Variants in PAG1 observed in about 807,000 individuals in gnomAD.
PAG1 encodes the protein phosphoprotein associated with glycosphingolipid-enriched microdomains 1.
A neutral mutation model predicts 31.7 loss-of-function variants in PAG1; 23 were observed. The ratio of observed to expected loss-of-function variants is 0.73; its 90% CI spans 0.52 to 1.03. The LOEUF (loss-of-function observed/expected upper bound fraction) is 1.03. Among genes scored for constraint, PAG1 ranks in the 50% least tolerant of loss-of-function variants. PAG1 has a pLI of 0.00. For synonymous variants in PAG1, 214 were observed against 210.3 expected, an observed-to-expected ratio of 1.02 and a Z score of -0.15; for missense variants, 473 against 540.7, an observed-to-expected ratio of 0.87 and a Z score of 1.24.
At chr8:81,002,181 A>G (rs1256683661) in intron 3 of PAG1, among the ~76,000 whole-genome samples, 1 of 151,198 alleles carries the variant, frequency 6.6e-6, no homozygotes, top group African/African-American at 2.4e-5. Context: ...CACTGTTTTT[A>G]TTTGGCTTCT....
At position 80,976,678 on chromosome 8, in the gene PAG1, C is replaced by T. The variant is rs141166625; in HGVS notation, c.1165G>A (p.Ala389Thr). The T allele has an allele frequency of 1.3e-5, 21 of 1,614,082 alleles. No homozygotes were observed. Among genetic ancestry groups the T allele is most frequent in the Non-Finnish European group, 1.7e-5 (20 of 1,180,038 alleles). The change falls in exon 9 of 9, where the codon GCG (alanine) becomes ACG (threonine). Residue 389 changes from alanine (A) to threonine (T), a missense_variant. Ala to Thr is a moderately conservative substitution (Grantham distance 58, BLOSUM62 0). Coordinates refer to ENST00000220597, the MANE Select transcript of PAG1 (RefSeq NM_018440.4). ...PSEEPEPDYE[A>T]IQTLNREEEK... ...TCCTCTCTGTTGAGAGTCTGTATCG[C>T]TTCATAATCAGGCTCTGGCTCCTCG... is the stretch of plus-strand genomic sequence containing the variant.
rs1807518069 is a variant in PAG1, at chr8:80,990,513, CAG to C, written c.177+964_177+965del. 6.6e-6 allele frequency among the ~76,000 whole-genome samples: 1 copy of C among 152,184 alleles called. No individual in the cohort carries two copies. The highest frequency in any genetic ancestry group is 6.5e-5 in the Admixed American group (1 of 15,282). ...TCTGTCTTAGCACTGCCACAGGACT[CAG>C]GGCAGATTCTGAACTCTGCCTTGCT... On this transcript the variant is annotated intron_variant, in intron 5 of 8. Transcript: ENST00000220597. The surrounding 1 kb of genome is among the most constrained non-coding windows in gnomAD (Gnocchi z 5.1).
At chr8:81,003,179 C>T (rs141131558) in intron 3 of PAG1, among the ~76,000 whole-genome samples, 25 of 152,278 alleles carry the variant, frequency 1.6e-4, no homozygotes, top group East Asian at 7.7e-4. Flanking sequence ...GTGATCGTGA[C>T]GCACTCTGAA....
intron 3 of PAG1, among the ~76,000 whole-genome samples, chr8:81,017,842 T>C (rs945658675): frequency 9.2e-5 from 14 of 152,162 alleles, no homozygotes; most frequent in Non-Finnish European, 1.9e-4. Context: ...ACATGGGAAT[T>C]TAAACAGCCC....
At chr8:81,036,420 A>G (rs117924204) in intron 2 of PAG1, among the ~76,000 whole-genome samples, 12 of 152,320 alleles carry the variant, frequency 7.9e-5, no homozygotes, top group East Asian at 5.8e-4. Context: ...CTAATGCATG[A>G]TATTTCTCAT....
At chr8:81,025,897 G>T (rs1808268692) in intron 3 of PAG1, among the ~76,000 whole-genome samples, 1 of 152,182 alleles carries the variant, frequency 6.6e-6, no homozygotes, top group African/African-American at 2.4e-5. Flanking sequence ...GTGTACCTCT[G>T]TGGGGGCAGT....
intron 1 of PAG1, among the ~76,000 whole-genome samples, chr8:81,091,993 T>C (rs1434005243): frequency 3.9e-5 from 5 of 127,556 alleles, no homozygotes; most frequent in Non-Finnish European, 8.0e-5. Flanking sequence ...CAGCAAGACC[T>C]TGTCTCAAAA....
intron 2 of PAG1, among the ~76,000 whole-genome samples, chr8:81,048,398 G>A (rs868604777): frequency 5.3e-5 from 8 of 152,168 alleles, no homozygotes; most frequent in Non-Finnish European, 8.8e-5. Flanking sequence ...GGGCAATTTG[G>A]GGAAGCATCT....
chr8:81,050,165 A>T (rs1808704544), intron 2 of PAG1, among the ~76,000 whole-genome samples: 1 of 152,252 alleles, frequency 6.6e-6, no homozygotes, highest in South Asian at 2.1e-4. Flanking sequence ...AACACGTTTC[A>T]TTGCTATTCC....
intron 2 of PAG1, among the ~76,000 whole-genome samples, chr8:81,048,647 T>C (rs962053949): frequency 1.3e-5 from 2 of 152,198 alleles, no homozygotes; most frequent in African/African-American, 2.4e-5. Flanking sequence ...TATCTGACAA[T>C]GATTTTATCT....
intron 2 of PAG1, among the ~76,000 whole-genome samples, chr8:81,055,082 T>C (rs916698748): frequency 6.6e-6 from 1 of 151,202 alleles, no homozygotes; most frequent in Non-Finnish European, 1.5e-5. Flanking sequence ...TTTCTTTTTT[T>C]TTTTTTTTGT....
intron 1 of PAG1, among the ~76,000 whole-genome samples, chr8:81,100,281 G>A (rs1809588643): frequency 6.6e-6 from 1 of 152,154 alleles, no homozygotes; most frequent in African/African-American, 2.4e-5. Context: ...GAGCCTAGTA[G>A]GTGTTCAATA....
chr8:80,987,947 C>T (rs992201244), intron 5 of PAG1, among the ~76,000 whole-genome samples: 5 of 152,170 alleles, frequency 3.3e-5, no homozygotes, highest in Non-Finnish European at 5.9e-5. Context: ...AAATAAAATA[C>T]ACTAAATTGA....
At chr8:81,098,946 C>G (rs946434225) in intron 1 of PAG1, among the ~76,000 whole-genome samples, 2 of 151,988 alleles carry the variant, frequency 1.3e-5, no homozygotes, top group Admixed American at 1.3e-4. Context: ...TCTCACAAAC[C>G]TTTACCCACA....
intron 2 of PAG1, among the ~76,000 whole-genome samples, chr8:81,055,837 T>A (rs943463275): frequency 2.0e-5 from 3 of 152,254 alleles, no homozygotes; most frequent in African/African-American, 7.2e-5. Flanking sequence ...AAATTGCTTA[T>A]CAGCTAAAGG....
chr8:81,102,311 A>T (rs952447522), intron 1 of PAG1, among the ~76,000 whole-genome samples: 4 of 152,166 alleles, frequency 2.6e-5, no homozygotes, highest in African/African-American at 9.6e-5. Context: ...AACGTTTTTT[A>T]AAACTTTTTA....
At chr8:80,977,663 G>C (rs539862117) in intron 8 of PAG1, among the ~76,000 whole-genome samples, 1 of 152,086 alleles carries the variant, frequency 6.6e-6, no homozygotes, top group African/African-American at 2.4e-5. Context: ...ACTCATTCTC[G>C]CTTGCAACCA....
chr8:81,045,476 C>T (rs1201118936), intron 2 of PAG1, among the ~76,000 whole-genome samples: 1 of 152,118 alleles, frequency 6.6e-6, no homozygotes, highest in East Asian at 1.9e-4. Flanking sequence ...TAAAGAGCAG[C>T]TCACTAGAGA....
chr8:81,071,146 C>CA (rs1809087480), intron 1 of PAG1, among the ~76,000 whole-genome samples: 1 of 151,984 alleles, frequency 6.6e-6, no homozygotes, highest in African/African-American at 2.4e-5. Flanking sequence ...TTTGAAAGAC[C>CA]AAATAGTCAA....
Sources: gnomAD v4.1 joint callset for allele counts (sites outside exome capture counted in the v4.1 genomes callset) on GRCh38, gnomAD v4.1.1 for gene constraint, Gnocchi (gnomAD v3.1) non-coding constraint, MANE v1.5 for transcripts, NCBI Gene and HGNC (gene_info 2026-07-23, HGNC 2026-07-21) for gene names.